The following PIGQ variants were observed in gnomAD, a reference collection of about 807,000 sequenced individuals.
PIGQ encodes phosphatidylinositol glycan anchor biosynthesis class Q.
PIGQ carries 54 observed loss-of-function variants against 60.3 expected under a neutral mutation model. The observed-to-expected ratio is 0.90, with a 90% CI of 0.72 to 1.12. PIGQ has a LOEUF of 1.12. Ranked by LOEUF, PIGQ falls within the 50% of genes most tolerant of loss-of-function variation. The pLI is 0.00. For missense variants in PIGQ, 799 were observed against 793.5 expected (o/e 1.01, Z -0.08); for synonymous variants, 416 against 363.7 (o/e 1.14, Z -1.64).
At position 583,346 on chromosome 16, in the gene PIGQ, C is replaced by G; in HGVS notation, c.*311C>G. 1 of 1,612,598 alleles carries G rather than the reference C, an allele frequency of 6.2e-7. No individual in the cohort carries two copies. Among genetic ancestry groups the G allele is most frequent in the Admixed American group, 1.7e-5 (1 of 60,014 alleles). On this transcript the variant is annotated 3_prime_UTR_variant, in exon 11 of 11. Transcript: ENST00000321878. The stretch of plus-strand genomic sequence containing the variant: ...GGTGTCCAGAGCACTGCCCCATGCC[C>G]ACCCTGTGTACCCAGGTCCAGAGGG...
At position 575,886 on chromosome 16, in the gene PIGQ, C is replaced by G. The variant is rs771310546; in HGVS notation, c.737C>G (p.Thr246Arg). The part of the protein sequence containing the change: ...PLSFLGSKLS[T>R]CEQLRHRLEH... ...TCCTTCCTCGGGAGCAAACTCTCCA[C>G]GTGCGAACAGCTCCGGCACCGGCTG... Residue 246 changes from threonine to arginine, a missense_variant, in exon 3 of 11, where the codon ACG becomes AGG. Coordinates refer to ENST00000321878, the MANE Select transcript of PIGQ (RefSeq NM_004204.5). 1.3e-6 allele frequency: 2 copies of G among 1,574,840 alleles called. No individual in the cohort carries two copies. Among genetic ancestry groups the G allele is most frequent in the African/African-American group, 1.3e-5 (1 of 74,222 alleles).
intron 9 of PIGQ, chr16:581,199 G>A (rs1307928828): frequency 1.4e-6 from 2 of 1,434,002 alleles, no homozygotes; most frequent in Non-Finnish European, 1.8e-6. Flanking sequence ...TGCCGCGCAG[G>A]TTCAGAACCC....
At chr16:571,895 T>C (rs993686135) in intron 1 of PIGQ, among the ~76,000 whole-genome samples, 10 of 52,954 alleles carry the variant, frequency 1.9e-4, no homozygotes, top group Non-Finnish European at 3.5e-4. Flanking sequence ...CACAAGGCAC[T>C]TTTTTTTTTT....
chr16:577,487 G>A (rs1334193779), intron 4 of PIGQ, among the ~76,000 whole-genome samples: 1 of 150,692 alleles, frequency 6.6e-6, no homozygotes, highest in Admixed American at 6.6e-5. Flanking sequence ...TGAGGCAAGA[G>A]AATGGCGTGA....
rs1259060858 is a variant in PIGQ at position 576,248 on chromosome 16, G to A, written c.936G>A (p.Val312=). ...ATCTGGCCGACGCCCTCGTTCCTGT[G>A]GCTGACGTGAGTGGACTGGGGTGGA... The part of the protein sequence containing the change: ...IGHLADALVP[V]ADHVAEELQH... The change falls in exon 4 of 11, where the codon GTG becomes GTA. Residue 312 remains valine, a synonymous_variant. Coordinates refer to ENST00000321878, the MANE Select transcript of PIGQ (RefSeq NM_004204.5). 6.4e-7 allele frequency: 1 copy of A among 1,555,156 alleles called. No individual in the cohort carries two copies. The highest frequency in any genetic ancestry group is 1.2e-5 in the South Asian group (1 of 84,460).
chr16:584,041 A>C lies in PIGQ; in HGVS notation c.*1006A>C. The C allele has an allele frequency of 6.4e-6, 2 of 313,800 alleles. No homozygotes were observed. Among genetic ancestry groups the C allele is most frequent in the Non-Finnish European group, 1.3e-5 (2 of 158,548 alleles). The allele number at this position is 313,800 out of a possible 1,614,324, so 19.4% of individuals were successfully genotyped here. A position where few individuals can be genotyped will look rare whatever the true frequency, so the allele number is the denominator to read the frequency against. ...CTCAGCAGCACCAGGACTGCCTGGGACTCCCTGGCAACCCAGCACCGGGGA... is the reference window on the plus strand; with the variant it reads ...CTCAGCAGCACCAGGACTGCCTGGGCCTCCCTGGCAACCCAGCACCGGGGA... On this transcript the variant is annotated 3_prime_UTR_variant, in exon 11 of 11. Transcript: ENST00000321878.
At position 580,973 on chromosome 16, in the gene PIGQ, G is replaced by A. The variant is rs1300851687; in HGVS notation, c.1531+1G>A. The A allele has an allele frequency of 3.8e-6, 6 of 1,595,144 alleles. No individual in the cohort carries two copies. The highest frequency in any genetic ancestry group is 1.1e-5 in the South Asian group (1 of 90,726). Reference sequence around the variant, plus strand: ...CTCTGCCGGCCCTACAGGCTGGCGGGTAAGTGCTGCGTATTGGGCAGCTGG... The same window carrying A: ...CTCTGCCGGCCCTACAGGCTGGCGGATAAGTGCTGCGTATTGGGCAGCTGG... On this transcript the variant is annotated splice_donor_variant, in intron 9 of 10. Coordinates refer to ENST00000321878, the MANE Select transcript of PIGQ (RefSeq NM_004204.5). LOFTEE classifies it high-confidence loss of function.
At position 575,824 on chromosome 16, in the gene PIGQ, T is replaced by A; in HGVS notation, c.690-15T>A. On this transcript the variant is annotated splice_polypyrimidine_tract_variant and intron_variant, in intron 2 of 10. Coordinates refer to ENST00000321878, the MANE Select transcript of PIGQ (RefSeq NM_004204.5). ...TCTGGAGAGGGACACATCACTCCTCTCCACTCCCACGCAGAGTGTTCAAGC... is the reference window on the plus strand; with the variant it reads ...TCTGGAGAGGGACACATCACTCCTCACCACTCCCACGCAGAGTGTTCAAGC... 6.4e-7 allele frequency: 1 copy of A among 1,554,902 alleles called. No individual in the cohort carries two copies. Among genetic ancestry groups the A allele is most frequent in the South Asian group, 1.2e-5 (1 of 84,626 alleles).
rs762304379 is a variant in PIGQ at position 578,970 on chromosome 16, C to G, written c.1223+32C>G. On this transcript the variant is annotated intron_variant, in intron 6 of 10. Transcript: ENST00000321878. Reference sequence around the variant, plus strand: ...GTGGGCTTCCCCCTCCCCACCGCCCCCTGGGAGGTGCAGAGGCTCCGGCTG... The same window carrying G: ...GTGGGCTTCCCCCTCCCCACCGCCCGCTGGGAGGTGCAGAGGCTCCGGCTG... 3.7e-5 allele frequency: 57 copies of G among 1,542,134 alleles called. No individual in the cohort carries two copies. In the African/African-American group the frequency reaches 7.7e-4, roughly 21 times the overall value.
Position 574,662 on chromosome 16 carries a change from G to A in PIGQ, c.588G>A (p.Val196=). 1.2e-6 allele frequency: 2 copies of A among 1,608,102 alleles called. No homozygotes were observed. Among genetic ancestry groups the A allele is most frequent in the Non-Finnish European group, 1.7e-6 (2 of 1,179,330 alleles). The stretch of plus-strand genomic sequence containing the variant: ...TGAGCCACTGGCAGTCGGAGGGCGT[G>A]GAGGCCAGCATCCTCGCGGAGCTGG... ...VRLSHWQSEG[V]EASILAELAR... Residue 196 remains valine (V), a synonymous_variant, in exon 2 of 11, where the codon GTG becomes GTA. Coordinates refer to ENST00000321878, the MANE Select transcript of PIGQ (RefSeq NM_004204.5).
chr16:571,180 CGTGTGTGT>C (rs1166570136), intron 1 of PIGQ, among the ~76,000 whole-genome samples: 3 of 472 alleles, frequency 6.4e-3, no homozygotes, highest in East Asian at 0.12. Context: ...GCCTGGCGCC[CGTGTGTGT>C]GTGTGTGTGT....
In PIGQ at chr16:578,521, G is replaced by C. The variant is rs779977421; in HGVS notation, c.1069+16G>C. On this transcript the variant is annotated intron_variant, in intron 5 of 10. Coordinates refer to ENST00000321878, the MANE Select transcript of PIGQ (RefSeq NM_004204.5). ...CTGTGGATCAGTGAGTGCAGGGCAG[G>C]CGGGGGCCCCAGGGACCCCAGAGCT... 3.4e-5 allele frequency: 55 copies of C among 1,608,150 alleles called. 1 individual carries two copies. In the Admixed American group the frequency reaches 9.1e-4, roughly 26 times the overall value.
Sources: allele counts gnomAD v4.1 joint callset (sites outside exome capture counted in the v4.1 genomes callset), GRCh38; gene constraint gnomAD v4.1.1; transcripts MANE v1.5; gene names NCBI Gene and HGNC (gene_info 2026-07-23, HGNC 2026-07-21).